TTLL11: variants seen among roughly 807,000 people sequenced by gnomAD.
TTLL11 encodes the protein tubulin tyrosine ligase like 11, also known as tubulin polyglutamylase TTLL11.
Under a neutral mutation model 51.7 loss-of-function variants are expected in TTLL11, and 42 were observed. The observed-to-expected ratio is 0.81, with a 90% CI of 0.64 to 1.05. The LOEUF is 1.05. TTLL11 is among the 50% of genes least tolerant of loss of function. TTLL11 has a pLI of 0.00. For missense variants in TTLL11, 799 were observed against 940.4 expected, an observed-to-expected ratio of 0.85 and a Z score of 1.97; for synonymous variants, 381 against 383.5, an observed-to-expected ratio of 0.99 and a Z score of 0.08.
chr9:121,970,204 C>T (rs1439355951), intron 6 of TTLL11, among the ~76,000 whole-genome samples: 1 of 152,150 alleles, frequency 6.6e-6, no homozygotes, highest in Admixed American at 6.5e-5. Context: ...AAATGAGGTG[C>T]TGCTATTTAT....
rs1837720275 is a variant in TTLL11 at position 121,853,334 on chromosome 9, T to C, written c.1840+7003A>G. On this transcript the variant is annotated intron_variant, in intron 8 of 8. Transcript: ENST00000321582. The surrounding 1 kb of genome is among the most constrained non-coding windows in gnomAD (Gnocchi z 5.6). ...CCCTTTCACAGTACTCAATGTGTGC[T>C]GTGGTCAAGGGCAGCGCTGGGTGCT... Among the ~76,000 whole-genome samples, 1 of 151,878 alleles carries C rather than the reference T, an allele frequency of 6.6e-6. No individual in the cohort carries two copies. Among genetic ancestry groups the C allele is most frequent in the African/African-American group, 2.4e-5 (1 of 41,300 alleles).
At chr9:121,898,087 T>C (rs1166937170) in intron 6 of TTLL11, among the ~76,000 whole-genome samples, 3 of 152,028 alleles carry the variant, frequency 2.0e-5, no homozygotes, top group Non-Finnish European at 4.4e-5. Context: ...CCTGGCTTGT[T>C]TGTTTGTTTA....
intron 6 of TTLL11, among the ~76,000 whole-genome samples, chr9:121,872,725 C>A (rs1838398985): frequency 1.3e-5 from 2 of 152,136 alleles, no homozygotes; most frequent in African/African-American, 4.8e-5. Flanking sequence ...ATGCTGGTCT[C>A]AAAGCAAGGA....
In TTLL11 at chr9:121,818,778, C is replaced by T. The variant is rs972950456; in HGVS notation, c.*3809G>A. The T allele has an allele frequency of 6.6e-6, 1 of 152,390 alleles. No individual in the cohort carries two copies. The highest frequency in any genetic ancestry group is 1.9e-4 in the East Asian group (1 of 5,202). 9.4% of individuals were successfully genotyped at this position (152,390 alleles called of 1,614,324 possible). A position where few individuals can be genotyped will look rare whatever the true frequency, so the allele number is the denominator to read the frequency against. ...CCTGTCTCATGACAACAGATACAAA[C>T]AGTCCTGGGAGCAGGGGTCGGACAG... On this transcript the variant is annotated 3_prime_UTR_variant, in exon 9 of 9. Transcript: ENST00000321582.
At chr9:121,855,341 C>T (rs751488587) in intron 8 of TTLL11, among the ~76,000 whole-genome samples, 22 of 152,256 alleles carry the variant, frequency 1.4e-4, no homozygotes, top group Admixed American at 5.2e-4. Context: ...TTTATTTAAA[C>T]GGATTATTTG....
chr9:121,951,886 C>T (rs1023628594), intron 6 of TTLL11, among the ~76,000 whole-genome samples: 1 of 152,172 alleles, frequency 6.6e-6, no homozygotes, highest in African/African-American at 2.4e-5. Context: ...TCATGTCTCC[C>T]CTTTTTAGAC....
In TTLL11 at chr9:121,823,840, C is replaced by T. The variant is rs185869727; in HGVS notation, c.1841-961G>A. The stretch of plus-strand genomic sequence containing the variant: ...CTACGACACCCCTGGAATGCTCTTC[C>T]CTGGTTTTGTCTTATAAGCGTCTAC... On this transcript the variant is annotated intron_variant, in intron 8 of 8. Transcript: ENST00000321582. 2.1e-3 allele frequency among the ~76,000 whole-genome samples: 324 copies of T among 152,270 alleles called. 2 individuals are homozygous for T. Among genetic ancestry groups the T allele is most frequent in the Non-Finnish European group, 3.8e-3 (259 of 68,024 alleles).
intron 6 of TTLL11, among the ~76,000 whole-genome samples, chr9:121,959,366 C>T (rs1842137883): frequency 6.6e-6 from 1 of 152,140 alleles, no homozygotes; most frequent in South Asian, 2.1e-4. Flanking sequence ...GAGCCCCCGG[C>T]CCATGTACCC....
chr9:121,878,466 C>T (rs955878902), intron 6 of TTLL11, among the ~76,000 whole-genome samples: 3 of 152,150 alleles, frequency 2.0e-5, no homozygotes, highest in South Asian at 2.1e-4. Flanking sequence ...GACCCCATGG[C>T]GACAACAGCA....
chr9:121,899,378 C>CATATATATATATATAT (rs747040027), intron 6 of TTLL11, among the ~76,000 whole-genome samples: 33 of 130,432 alleles, frequency 2.5e-4, no homozygotes, highest in Admixed American at 4.1e-4. Context: ...TATATATATA[C>CATATATATATATATAT]ATATATATAT....
chr9:122,077,259 T>C (rs1845887502), intron 1 of TTLL11, among the ~76,000 whole-genome samples: 1 of 152,048 alleles, frequency 6.6e-6, no homozygotes, highest in Non-Finnish European at 1.5e-5. Flanking sequence ...CTATATAAAA[T>C]ACCAATAACG....
intron 3 of TTLL11, among the ~76,000 whole-genome samples, chr9:122,018,782 A>G (rs1472651190): frequency 1.3e-5 from 2 of 152,334 alleles, no homozygotes; most frequent in Admixed American, 1.3e-4. Flanking sequence ...CCTTTATATT[A>G]GAGAACTATC....
At chr9:121,885,413 T>C (rs921830133) in intron 6 of TTLL11, 1 of 152,248 alleles carries the variant, frequency 6.6e-6, no homozygotes, top group Non-Finnish European at 1.5e-5. Flanking sequence ...TGGAAAGCAG[T>C]GAGCAGTGGT....
chr9:121,854,760 T>G (rs890972371), intron 8 of TTLL11, among the ~76,000 whole-genome samples: 1 of 151,880 alleles, frequency 6.6e-6, no homozygotes, highest in African/African-American at 2.4e-5. Flanking sequence ...TGAGTGCAAT[T>G]TACATGAAAT....
chr9:121,900,957 T>C (rs183879319), intron 6 of TTLL11, among the ~76,000 whole-genome samples: 1 of 152,124 alleles, frequency 6.6e-6, no homozygotes, highest in East Asian at 1.9e-4. Flanking sequence ...TACAGGTGTA[T>C]AGAGATGGGG....
At chr9:121,866,998 G>A (rs992062484) in intron 7 of TTLL11, among the ~76,000 whole-genome samples, 7 of 152,294 alleles carry the variant, frequency 4.6e-5, no homozygotes, top group Middle Eastern at 3.4e-3. Context: ...AAATCATAAA[G>A]CCTATCACAT....
rs1379367237 is a variant in TTLL11, at chr9:121,853,422, G to T, written c.1840+6915C>A. On this transcript the variant is annotated intron_variant, in intron 8 of 8. Coordinates refer to ENST00000321582, the MANE Select transcript of TTLL11 (RefSeq NM_001139442.2). This position sits in a 1 kb window ranked among gnomAD's most constrained non-coding sequence, Gnocchi z 5.6. ...ACTGGGGGAGGCTCTGTGAGGGAGG[G>T]GACCTGGGGGGTGGTGGTGAGCAAG... 6.6e-6 allele frequency among the ~76,000 whole-genome samples: 1 copy of T among 151,508 alleles called. No homozygotes were observed. Among genetic ancestry groups the T allele is most frequent in the South Asian group, 2.1e-4 (1 of 4,762 alleles).
At position 122,093,222 on chromosome 9, in the gene TTLL11, A is replaced by C; in HGVS notation, c.-74T>G. On this transcript the variant is annotated 5_prime_UTR_variant, in exon 1 of 9. Transcript: ENST00000321582. ...CGCTCCGCCGCCCCAGTCCGCCACCAAACTGCCGCCGCTGCAGCCGCTGCC... is the reference window on the plus strand; with the variant it reads ...CGCTCCGCCGCCCCAGTCCGCCACCCAACTGCCGCCGCTGCAGCCGCTGCC... 8.7e-6 allele frequency: 13 copies of C among 1,494,188 alleles called. No homozygotes were observed. Among genetic ancestry groups the C allele is most frequent in the East Asian group, 2.7e-5 (1 of 36,666 alleles). The allele number at this position is 1,494,188 out of a possible 1,614,324, so 92.6% of individuals were successfully genotyped here.
chr9:122,046,498 C>T (rs549637941), intron 1 of TTLL11, among the ~76,000 whole-genome samples: 1 of 152,134 alleles, frequency 6.6e-6, no homozygotes, highest in Non-Finnish European at 1.5e-5. Flanking sequence ...AGCTGAGGGG[C>T]CATTTGTGGC....
Sources: gnomAD v4.1 joint callset for allele counts (sites outside exome capture counted in the v4.1 genomes callset) on GRCh38, gnomAD v4.1.1 for gene constraint, Gnocchi (gnomAD v3.1) non-coding constraint, MANE v1.5 for transcripts, NCBI Gene and HGNC (gene_info 2026-07-23, HGNC 2026-07-21) for gene names.